C13orf42: variants seen among roughly 807,000 people sequenced by gnomAD.
The protein encoded by C13orf42 is uncharacterized protein C13orf42.
chr13:51,086,574 T>C (rs894977668), intron 2 of C13orf42, among the ~76,000 whole-genome samples: 4 of 152,118 alleles, frequency 2.6e-5, no homozygotes, highest in African/African-American at 7.2e-5. Flanking sequence ...TTACCGGTGA[T>C]GATTATCTCT....
chr13:51,087,786 C>T (rs903332196), intron 2 of C13orf42, 142 bp downstream of exon 2: 5 of 394,522 alleles, frequency 1.3e-5, no homozygotes, highest in African/African-American at 1.0e-4. Context: ...CTTGGAGGTG[C>T]AGGGTTTCCC....
intron 1 of C13orf42, among the ~76,000 whole-genome samples, chr13:51,154,129 T>C (rs986684760): frequency 2.0e-5 from 3 of 152,208 alleles, no homozygotes; most frequent in African/African-American, 4.8e-5. Flanking sequence ...CTCAGCATAA[T>C]GTCCTTGGGG....
chr13:51,165,891 A>G (rs1423545168), intron 1 of C13orf42, among the ~76,000 whole-genome samples: 1 of 152,254 alleles, frequency 6.6e-6, no homozygotes, highest in Non-Finnish European at 1.5e-5. Context: ...GCATAGCACT[A>G]TGCAAATGTA....
At chr13:51,129,772 T>C (rs1953602395) in intron 1 of C13orf42, among the ~76,000 whole-genome samples, 1 of 152,212 alleles carries the variant, frequency 6.6e-6, no homozygotes, top group Admixed American at 6.5e-5. Flanking sequence ...TGTATTGTTC[T>C]GTCATAAAGA....
intron 1 of C13orf42, among the ~76,000 whole-genome samples, chr13:51,158,645 C>A (rs946346764): frequency 2.0e-5 from 3 of 152,156 alleles, no homozygotes; most frequent in African/African-American, 4.8e-5. Context: ...GCCTGAAGGT[C>A]CCACGCAACA....
chr13:51,139,551 T>C (rs983453959), intron 1 of C13orf42, among the ~76,000 whole-genome samples: 4 of 152,036 alleles, frequency 2.6e-5, no homozygotes, highest in Non-Finnish European at 4.4e-5. Flanking sequence ...CAGAATGAGA[T>C]AGGAGGTTGG....
chr13:51,084,268 A>T lies in C13orf42; in HGVS notation c.861T>A (p.Asp287Glu), dbSNP rs184629229. 3,383 of 398,708 alleles carry T rather than the reference A, an allele frequency of 8.5e-3. 27 individuals are homozygous for T. Among genetic ancestry groups the T allele is most frequent in the South Asian group, 0.02 (156 of 7,864 alleles). The allele number at this position is 398,708 out of a possible 1,614,324, so 24.7% of individuals were successfully genotyped here. A position where few individuals can be genotyped will look rare whatever the true frequency, so the allele number is the denominator to read the frequency against. Reference protein sequence around the residue: ...FNFSGEDMEWDAELFALEPQL... With the variant: ...FNFSGEDMEWEAELFALEPQL... The stretch of plus-strand genomic sequence containing the variant: ...GGGGCTCCAACGCAAAGAGCTCTGC[A>T]TCCCACTCCATATCTTCTCCTGAGA... The change falls in exon 4 of 4, where the codon GAT (aspartate) becomes GAA (glutamate). Residue 287 changes from aspartate to glutamate, a missense_variant. Coordinates refer to ENST00000563710, the MANE Select transcript of C13orf42 (RefSeq NM_001351589.3).
chr13:51,129,658 A>C (rs540004089), intron 1 of C13orf42, among the ~76,000 whole-genome samples: 1 of 152,268 alleles, frequency 6.6e-6, no homozygotes, highest in South Asian at 2.1e-4. Context: ...ACGCACGACA[A>C]AAATCATTGT....
chr13:51,153,534 T>C (rs902041021), intron 1 of C13orf42, among the ~76,000 whole-genome samples: 1 of 151,054 alleles, frequency 6.6e-6, no homozygotes, highest in Non-Finnish European at 1.5e-5. Flanking sequence ...TTATGTAACA[T>C]AAAATTACTC....
At chr13:51,089,990 C>G (rs557350934) in intron 1 of C13orf42, among the ~76,000 whole-genome samples, 7 of 151,932 alleles carry the variant, frequency 4.6e-5, no homozygotes, top group African/African-American at 1.7e-4. Flanking sequence ...AGGGACAATT[C>G]AACCTTCAGG....
chr13:51,107,729 T>C (rs1289804422), intron 1 of C13orf42, among the ~76,000 whole-genome samples: 2 of 152,230 alleles, frequency 1.3e-5, no homozygotes, highest in Non-Finnish European at 2.9e-5. Flanking sequence ...GTATTCACTT[T>C]TATGCTCTGG....
intron 1 of C13orf42, among the ~76,000 whole-genome samples, chr13:51,130,862 AAT>A (rs1054865589): frequency 3.2e-4 from 47 of 148,188 alleles, no homozygotes; most frequent in Admixed American, 6.0e-4. Context: ...GTAAAAAAAA[AAT>A]ATATATATAT....
At chr13:51,136,873 G>A (rs1953661727) in intron 1 of C13orf42, among the ~76,000 whole-genome samples, 1 of 152,230 alleles carries the variant, frequency 6.6e-6, no homozygotes, top group South Asian at 2.1e-4. Context: ...CAAGCACCGG[G>A]AATATAGCTG....
At position 51,086,307 on chromosome 13, in the gene C13orf42, AAAAAAAAAAC is replaced by A. The variant is rs1201644229; in HGVS notation, c.563-758_563-749del. On this transcript the variant is annotated intron_variant, in intron 2 of 3. Transcript: ENST00000563710. ...GGCGATGGAGCGAGACTCCGTCTCA[AAAAAAAAAAC>A]AAAAAAAAACAAAAAAAAAAACAAG... Among the ~76,000 whole-genome samples, 846 of 144,522 alleles carry A rather than the reference AAAAAAAAAAC, an allele frequency of 5.9e-3. 7 individuals carry two copies. The highest frequency in any genetic ancestry group is 0.019 in the African/African-American group (763 of 39,206). The allele number at this position is 144,522 out of a possible 152,430, so 94.8% of individuals were successfully genotyped here. A position where few individuals can be genotyped will look rare whatever the true frequency, so the allele number is the denominator to read the frequency against.
At chr13:51,143,626 A>G (rs1566137983) in intron 1 of C13orf42, among the ~76,000 whole-genome samples, 1 of 152,196 alleles carries the variant, frequency 6.6e-6, no homozygotes, top group Non-Finnish European at 1.5e-5. Flanking sequence ...AAATCCTTGA[A>G]TTATCACTTT....
At chr13:51,109,849 C>T (rs1243907435) in intron 1 of C13orf42, among the ~76,000 whole-genome samples, 1 of 152,174 alleles carries the variant, frequency 6.6e-6, no homozygotes, top group Non-Finnish European at 1.5e-5. Context: ...AGAGGTGGGT[C>T]ACTGAGCCTC....
chr13:51,111,242 G>C lies in C13orf42; in HGVS notation c.-33C>G. On this transcript the variant is annotated 5_prime_UTR_variant, in exon 1 of 4. Coordinates refer to ENST00000563710, the MANE Select transcript of C13orf42 (RefSeq NM_001351589.3). ...GATTTCTTTCTGTGGGTACCTTCCA[G>C]CTGCCTGTGCTGCCGCCACTTGATC... The C allele has an allele frequency of 2.5e-6, 1 of 398,564 alleles. No homozygotes were observed. The highest frequency in any genetic ancestry group is 4.4e-6 in the Non-Finnish European group (1 of 226,124). 24.7% of individuals were successfully genotyped at this position (398,564 alleles called of 1,614,324 possible).
At chr13:51,153,255 T>C (rs1953794167) in intron 1 of C13orf42, among the ~76,000 whole-genome samples, 1 of 151,998 alleles carries the variant, frequency 6.6e-6, no homozygotes, top group African/African-American at 2.4e-5. Flanking sequence ...GCTCCCTCCA[T>C]AGGGTCCTGC....
At chr13:51,103,911 G>A (rs1388608946) in intron 1 of C13orf42, among the ~76,000 whole-genome samples, 5 of 152,130 alleles carry the variant, frequency 3.3e-5, no homozygotes, top group Admixed American at 3.3e-4. Context: ...GTGTTCGATG[G>A]GTGCAGTTTC....
Sources: gnomAD v4.1 joint callset for allele counts (sites outside exome capture counted in the v4.1 genomes callset) on GRCh38, gnomAD v4.1.1 for gene constraint, MANE v1.5 for transcripts, NCBI Gene and HGNC (gene_info 2026-07-23, HGNC 2026-07-21) for gene names.